Variants in DLGAP2 observed in about 807,000 individuals in gnomAD.
The protein encoded by DLGAP2 is disks large-associated protein 2.
A neutral mutation model predicts 100.3 loss-of-function variants in DLGAP2; 26 were observed. The observed-to-expected ratio is 0.26, with a 90% CI of 0.19 to 0.36. The LOEUF is 0.36. DLGAP2 is among the 10% of genes least tolerant of loss of function. DLGAP2 has a pLI of 1.00. For synonymous variants in DLGAP2, 886 were observed against 630.1 expected (o/e 1.41, Z -6.08); for missense variants, 1,858 against 1,453.2 (o/e 1.28, Z -4.53).
At chr8:1,377,722 C>T (rs2129745684) in intron 3 of DLGAP2, 1 of 152,410 alleles carries the variant, frequency 6.6e-6, no homozygotes, top group African/African-American at 2.4e-5. Flanking sequence ...CCTGTCTCCT[C>T]CCAATACCAT....
intron 3 of DLGAP2, among the ~76,000 whole-genome samples, chr8:1,454,505 CT>C (rs1798250840): frequency 6.6e-6 from 1 of 152,196 alleles, no homozygotes; most frequent in African/African-American, 2.4e-5. Context: ...AAACCCACCC[CT>C]GGAGGAGAGG....
chr8:1,186,563 A>C (rs1397277719), intron 2 of DLGAP2, among the ~76,000 whole-genome samples: 1 of 152,056 alleles, frequency 6.6e-6, no homozygotes, highest in Non-Finnish European at 1.5e-5. Context: ...GAGAGATGTT[A>C]TTACGGCCAT....
chr8:968,126 G>A (rs1273694570), intron 2 of DLGAP2, among the ~76,000 whole-genome samples: 2 of 151,580 alleles, frequency 1.3e-5, no homozygotes, highest in Non-Finnish European at 2.9e-5. Context: ...TTAATTTGGT[G>A]ACTTCAGGCA....
chr8:781,095 T>G (rs1821674727), intron 1 of DLGAP2, among the ~76,000 whole-genome samples: 1 of 152,210 alleles, frequency 6.6e-6, no homozygotes, highest in South Asian at 2.1e-4. Flanking sequence ...TTGGTTTTTA[T>G]TATTGACTGA....
intron 2 of DLGAP2, among the ~76,000 whole-genome samples, chr8:938,009 G>A (rs1326651805): frequency 6.6e-6 from 1 of 152,114 alleles, no homozygotes; most frequent in African/African-American, 2.4e-5. Context: ...GGACCCTCTG[G>A]CCTTGTGTCT....
intron 2 of DLGAP2, among the ~76,000 whole-genome samples, chr8:1,049,422 A>G (rs1802608909): frequency 6.6e-6 from 1 of 152,088 alleles, no homozygotes. Context: ...GTCAGCGGCC[A>G]CTGTTGGAAT....
At chr8:1,647,747 G>C (rs918103639) in intron 8 of DLGAP2, among the ~76,000 whole-genome samples, 10 of 152,270 alleles carry the variant, frequency 6.6e-5, no homozygotes, top group South Asian at 2.1e-4. Context: ...CTCATTGCAT[G>C]CCGGCTGCTA....
At chr8:778,168 A>G (rs1821579638) in intron 1 of DLGAP2, among the ~76,000 whole-genome samples, 3 of 152,072 alleles carry the variant, frequency 2.0e-5, no homozygotes, top group South Asian at 2.1e-4. Context: ...TTCTTCACGT[A>G]GTTCTTGAGC....
chr8:1,039,752 G>A (rs1160351323), intron 2 of DLGAP2, among the ~76,000 whole-genome samples: 2 of 136,026 alleles, frequency 1.5e-5, no homozygotes, highest in Non-Finnish European at 3.1e-5. Context: ...CTCGGTTTCT[G>A]TAGTCGGCTC....
chr8:1,082,659 CTTAT>C (rs1009991234), intron 2 of DLGAP2, among the ~76,000 whole-genome samples: 1 of 152,168 alleles, frequency 6.6e-6, no homozygotes, highest in Non-Finnish European at 1.5e-5. Context: ...ATGAGAAGGG[CTTAT>C]TTGAGGACTG....
chr8:1,381,819 GTGTGTT>G (rs1313826164), intron 3 of DLGAP2, among the ~76,000 whole-genome samples: 13 of 144,344 alleles, frequency 9.0e-5, no homozygotes, highest in African/African-American at 3.4e-4. Context: ...GTGTGTGTGT[GTGTGTT>G]TGTATCACAT....
intron 3 of DLGAP2, among the ~76,000 whole-genome samples, chr8:1,351,807 C>G (rs1485128387): frequency 1.0e-4 from 5 of 48,054 alleles, no homozygotes; most frequent in African/African-American, 1.4e-4. Flanking sequence ...AGGACGTGCG[C>G]GTCCTGCGTG....
intron 6 of DLGAP2, among the ~76,000 whole-genome samples, chr8:1,606,815 C>G (rs1420804260): frequency 6.6e-6 from 1 of 152,192 alleles, no homozygotes; most frequent in Non-Finnish European, 1.5e-5. Flanking sequence ...CCCCAAGTAG[C>G]TGGGTCCACA....
At chr8:1,551,670 G>A (rs527378610) in intron 5 of DLGAP2, among the ~76,000 whole-genome samples, 7 of 152,222 alleles carry the variant, frequency 4.6e-5, no homozygotes, top group Non-Finnish European at 8.8e-5. Flanking sequence ...CCATCCCTCC[G>A]AAAGTGACCT....
intron 3 of DLGAP2, among the ~76,000 whole-genome samples, chr8:1,430,593 A>G (rs1158882555): frequency 6.6e-6 from 1 of 152,228 alleles, no homozygotes; most frequent in Non-Finnish European, 1.5e-5. Context: ...TTTAAAATGA[A>G]GATCAGACCA....
intron 3 of DLGAP2, among the ~76,000 whole-genome samples, chr8:1,444,972 G>T (rs1443486763): frequency 1.3e-5 from 2 of 151,070 alleles, no homozygotes; most frequent in African/African-American, 4.9e-5. Context: ...GGGTTTCACC[G>T]TGTTAGCCAG....
chr8:1,684,821 A>G (rs944749179), intron 12 of DLGAP2, among the ~76,000 whole-genome samples: 1 of 152,132 alleles, frequency 6.6e-6, no homozygotes, highest in African/African-American at 2.4e-5. Flanking sequence ...TTCCCAAGCT[A>G]AGACTTTATT....
intron 2 of DLGAP2, among the ~76,000 whole-genome samples, chr8:1,191,717 C>T (rs1585137936): frequency 6.6e-6 from 1 of 152,136 alleles, no homozygotes; most frequent in African/African-American, 2.4e-5. Context: ...CTTTAATTTC[C>T]ACCTCTGATC....
chr8:1,696,014 G>T (rs894111487), intron 13 of DLGAP2, among the ~76,000 whole-genome samples: 9 of 152,230 alleles, frequency 5.9e-5, no homozygotes, highest in African/African-American at 2.2e-4. Context: ...GCAGCTGGGG[G>T]CCCCAGGTCC....
Sources: allele counts gnomAD v4.1 joint callset (sites outside exome capture counted in the v4.1 genomes callset), GRCh38; gene constraint gnomAD v4.1.1; transcripts MANE v1.5; gene names NCBI Gene and HGNC (gene_info 2026-07-23, HGNC 2026-07-21).